NUDT4: variants seen among roughly 807,000 people sequenced by gnomAD.
NUDT4 encodes the protein diphosphoinositol polyphosphate phosphohydrolase 2.
NUDT4 carries 5 observed loss-of-function variants against 23.1 expected under a neutral mutation model. The ratio of observed to expected loss-of-function variants is 0.22; its 90% CI spans 0.11 to 0.46. NUDT4 has a LOEUF of 0.46. NUDT4 is among the 20% of genes least tolerant of loss of function. NUDT4 has a pLI of 0.99. For synonymous variants in NUDT4, 50 were observed against 79.0 expected, an observed-to-expected ratio of 0.63 and a Z score of 1.95; for missense variants, 96 against 211.6, an observed-to-expected ratio of 0.45 and a Z score of 3.39.
At chr12:93,379,607 C>T (rs1875499609) in intron 1 of NUDT4, among the ~76,000 whole-genome samples, 1 of 152,078 alleles carries the variant, frequency 6.6e-6, no homozygotes, top group Admixed American at 6.5e-5. Context: ...GAAACCAAGC[C>T]CTTTAAATGG....
Position 93,406,276 on chromosome 12 carries a change from A to G in NUDT4, c.*6897A>G, listed in dbSNP as rs1905251. ...GAGCTAGAAAGTGGCTAGAGCAGCC[A>G]AAAAAAAAAAAAAAAAAAAAAAAAA... On this transcript the variant is annotated 3_prime_UTR_variant, in exon 5 of 5. Coordinates refer to ENST00000415493, the MANE Select transcript of NUDT4 (RefSeq NM_019094.6). 2 of 30,322 alleles carry G rather than the reference A, an allele frequency of 6.6e-5. No homozygotes were observed. Among genetic ancestry groups the G allele is most frequent in the East Asian group, 1.1e-3 (2 of 1,782 alleles). 1.9% of individuals were successfully genotyped at this position (30,322 alleles called of 1,614,324 possible).
intron 3 of NUDT4, 68 bp from the exon 4 acceptor site, chr12:93,398,703 T>C (rs1469298836): frequency 1.6e-5 from 17 of 1,078,822 alleles, no homozygotes; most frequent in Non-Finnish European, 1.4e-6. Context: ...CTAATTTTTT[T>C]CCCTTGGAAA....
chr12:93,404,616 C>T lies in NUDT4; in HGVS notation c.*5237C>T, dbSNP rs1270983733. The T allele has an allele frequency of 6.6e-6, 1 of 152,120 alleles. No homozygotes were observed. Among genetic ancestry groups the T allele is most frequent in the Non-Finnish European group, 1.5e-5 (1 of 68,038 alleles). The allele number at this position is 152,120 out of a possible 1,614,324, so 9.4% of individuals were successfully genotyped here. ...TATTTACTGGATACTTTGTGGTTAC[C>T]AAAGAGCTATGTGCTGCCACAGGGA... On this transcript the variant is annotated 3_prime_UTR_variant, in exon 5 of 5. Coordinates refer to ENST00000415493, the MANE Select transcript of NUDT4 (RefSeq NM_019094.6).
intron 1 of NUDT4, among the ~76,000 whole-genome samples, chr12:93,385,939 T>TATATA (rs1565777237): frequency 3.6e-4 from 20 of 55,170 alleles, no homozygotes; most frequent in Non-Finnish European, 1.0e-4. Flanking sequence ...TAGTAAATCT[T>TATATA]TTTATATATA....
intron 1 of NUDT4, among the ~76,000 whole-genome samples, chr12:93,382,065 T>C (rs1014708940): frequency 1.3e-5 from 2 of 152,150 alleles, no homozygotes; most frequent in Non-Finnish European, 2.9e-5. Flanking sequence ...GAGACCAGCC[T>C]GGCCAACATG....
chr12:93,384,595 T>C (rs1320591771), intron 1 of NUDT4, among the ~76,000 whole-genome samples: 1 of 152,208 alleles, frequency 6.6e-6, no homozygotes, highest in Non-Finnish European at 1.5e-5. Flanking sequence ...TATTTTATAA[T>C]ATTTTAAGAA....
chr12:93,386,046 G>T (rs1462848739), intron 1 of NUDT4, among the ~76,000 whole-genome samples: 1 of 148,454 alleles, frequency 6.7e-6, no homozygotes, highest in East Asian at 2.0e-4. Context: ...CACAATCATG[G>T]CTCACTGCAG....
chr12:93,386,157 T>C (rs563173308), intron 1 of NUDT4, among the ~76,000 whole-genome samples: 44 of 151,826 alleles, frequency 2.9e-4, no homozygotes, highest in African/African-American at 9.4e-4. Context: ...TTGAGTTTTT[T>C]GTAGAGACAG....
intron 1 of NUDT4, among the ~76,000 whole-genome samples, chr12:93,388,087 C>G (rs1876237671): frequency 6.6e-6 from 1 of 152,148 alleles, no homozygotes; most frequent in Admixed American, 6.5e-5. Flanking sequence ...TGTGTGAGAC[C>G]TCTTTTCATA....
chr12:93,385,941 T>TATATATATATATATATATATATA (rs1565777284), intron 1 of NUDT4, among the ~76,000 whole-genome samples: 4 of 104,606 alleles, frequency 3.8e-5, no homozygotes, highest in South Asian at 3.2e-4. Flanking sequence ...GTAAATCTTT[T>TATATATATATATATATATATATA]TATATATATA....
chr12:93,407,906 C>G lies in NUDT4; in HGVS notation c.*8527C>G, dbSNP rs1482156094. The stretch of plus-strand genomic sequence containing the variant: ...TAGCAAAGTAATGGGGGAGTCTTAC[C>G]AAAACTGCAAAGGAAAAAAATATGA... On this transcript the variant is annotated 3_prime_UTR_variant, in exon 5 of 5. Coordinates refer to ENST00000415493, the MANE Select transcript of NUDT4 (RefSeq NM_019094.6). The G allele has an allele frequency of 3.9e-5, 6 of 152,058 alleles. No homozygotes were observed. The highest frequency in any genetic ancestry group is 7.4e-5 in the Non-Finnish European group (5 of 68,020). 9.4% of individuals were successfully genotyped at this position (152,058 alleles called of 1,614,324 possible). A position where few individuals can be genotyped will look rare whatever the true frequency, so the allele number is the denominator to read the frequency against.
intron 3 of NUDT4, among the ~76,000 whole-genome samples, chr12:93,397,761 G>C (rs1877039932): frequency 1.3e-5 from 2 of 152,094 alleles, no homozygotes; most frequent in Non-Finnish European, 2.9e-5. Context: ...CTGACCTCAA[G>C]TGATCTGCCC....
intron 3 of NUDT4, among the ~76,000 whole-genome samples, chr12:93,396,991 A>G (rs535824632): frequency 6.6e-6 from 1 of 152,356 alleles, no homozygotes; most frequent in Non-Finnish European, 1.5e-5. Flanking sequence ...GGTTTTTACA[A>G]ATAACACATT....
chr12:93,392,251 C>A (rs567209971), intron 1 of NUDT4, among the ~76,000 whole-genome samples: 11 of 139,244 alleles, frequency 7.9e-5, no homozygotes, highest in Non-Finnish European at 9.4e-5. Context: ...TTTCCCCCCC[C>A]CCCTTTTTTT....
chr12:93,378,443 G>T (rs756880514), intron 1 of NUDT4, 22 bp downstream of exon 1: 1 of 1,532,290 alleles, frequency 6.5e-7, no homozygotes, highest in Non-Finnish European at 8.8e-7. Context: ...GGCGCCGCAC[G>T]CTGCCCTCCG....
chr12:93,396,691 G>A (rs1301501309), intron 3 of NUDT4, among the ~76,000 whole-genome samples: 2 of 152,126 alleles, frequency 1.3e-5, no homozygotes, highest in Non-Finnish European at 2.9e-5. Context: ...AAGGCAGGAG[G>A]ATCACTAGGT....
chr12:93,378,447 C>G, intron 1 of NUDT4, 26 bp downstream of exon 1: 1 of 1,527,372 alleles, frequency 6.5e-7, no homozygotes, highest in South Asian at 1.2e-5. Flanking sequence ...CCGCACGCTG[C>G]CCTCCGGGGC....
rs372462887 is a variant in NUDT4 at position 93,394,204 on chromosome 12, A to G, written c.100-405A>G. ...TAGAGACGGGGTTTGGGGTTTCACC[A>G]TGTTAGCCAGGATGATCTCGATCTC... On this transcript the variant is annotated intron_variant, in intron 1 of 4. Transcript: ENST00000415493. 7.2e-5 allele frequency among the ~76,000 whole-genome samples: 11 copies of G among 152,254 alleles called. No homozygotes were observed. In the East Asian group the frequency reaches 1.4e-3, roughly 19 times the overall value.
rs1289906087 is a variant in NUDT4, at chr12:93,405,877, T to A, written c.*6498T>A. On this transcript the variant is annotated 3_prime_UTR_variant, in exon 5 of 5. Transcript: ENST00000415493. ...TTCGAATGAAATATTACATTTTTCT[T>A]AAATAAAGCAATAAATTAGGTACCC... 6.6e-6 allele frequency: 1 copy of A among 152,198 alleles called. No homozygotes were observed. Among genetic ancestry groups the A allele is most frequent in the Non-Finnish European group, 1.5e-5 (1 of 68,032 alleles). 9.4% of individuals were successfully genotyped at this position (152,198 alleles called of 1,614,324 possible). A position where few individuals can be genotyped will look rare whatever the true frequency, so the allele number is the denominator to read the frequency against.
Sources: allele counts gnomAD v4.1 joint callset (sites outside exome capture counted in the v4.1 genomes callset), GRCh38; gene constraint gnomAD v4.1.1; transcripts MANE v1.5; gene names NCBI Gene and HGNC (gene_info 2026-07-23, HGNC 2026-07-21).